PCDHGA3: variants seen among roughly 807,000 people sequenced by gnomAD.
PCDHGA3 encodes the protein protocadherin gamma subfamily A, 3.
Under a neutral mutation model 58.5 loss-of-function variants are expected in PCDHGA3, and 40 were observed. That is an observed-to-expected ratio of 0.68 (90% CI 0.53 to 0.89). PCDHGA3 has a LOEUF of 0.89. Among genes scored for constraint, PCDHGA3 ranks in the 40% least tolerant of loss-of-function variants. PCDHGA3 has a pLI of 0.00. For synonymous variants in PCDHGA3, 530 were observed against 525.7 expected, an observed-to-expected ratio of 1.01 and a Z score of -0.11; for missense variants, 1,223 against 1,195.9, an observed-to-expected ratio of 1.02 and a Z score of -0.33.
At chr5:141,460,331 A>T (rs537463160) in intron 1 of PCDHGA3, among the ~76,000 whole-genome samples, 3 of 152,212 alleles carry the variant, frequency 2.0e-5, no homozygotes, top group African/African-American at 7.2e-5. Flanking sequence ...AAAACTTATG[A>T]TGATTTTCTC....
Position 141,486,914 on chromosome 5 carries a change from C to T in PCDHGA3, c.2425-7893C>T, listed in dbSNP as rs1469857080. On this transcript the variant is annotated intron_variant, in intron 1 of 3. Coordinates refer to ENST00000253812, the MANE Select transcript of PCDHGA3 (RefSeq NM_018916.4). This position sits in a 1 kb window ranked among gnomAD's most constrained non-coding sequence, Gnocchi z 5.0. ...TGGTTCCTTATGTCCCCAAGCACTG[C>T]CTCCATCAGTTGGTGCTGGCCACCT... The T allele has an allele frequency of 6.2e-7, 1 of 1,614,236 alleles. No individual in the cohort carries two copies.
At chr5:141,404,784 C>T (rs780341962) in intron 1 of PCDHGA3, 2 of 1,613,832 alleles carry the variant, frequency 1.2e-6, no homozygotes, top group Non-Finnish European at 1.7e-6. Flanking sequence ...CTATTCAAGG[C>T]CAGTGAGCCA....
In PCDHGA3 at chr5:141,395,138, C is replaced by T. The variant is rs147992300; in HGVS notation, c.2424+48681C>T. 1,238 of 1,614,204 alleles carry T rather than the reference C, an allele frequency of 7.7e-4. 19 individuals are homozygous for T. In the East Asian group the frequency reaches 0.018, roughly 24 times the overall value. On this transcript the variant is annotated intron_variant, in intron 1 of 3. Transcript: ENST00000253812. ...ACCTGATCTTTCCCCAGCCCAACTA[C>T]GCAGACATGCTCATCAGTCAGGAGG...
intron 2 of PCDHGA3, among the ~76,000 whole-genome samples, chr5:141,502,988 C>A (rs1285178746): frequency 6.7e-6 from 1 of 150,346 alleles, no homozygotes; most frequent in Non-Finnish European, 1.5e-5. Flanking sequence ...GGATTACAGG[C>A]GTGTGCCACC....
chr5:141,393,484 G>A, intron 1 of PCDHGA3: 1 of 1,614,058 alleles, frequency 6.2e-7, no homozygotes, highest in Non-Finnish European at 8.5e-7. Context: ...CCTCGCTCTA[G>A]CACAGTGCGC....
chr5:141,371,752 AC>A (rs1278414887), intron 1 of PCDHGA3: 1 of 1,613,888 alleles, frequency 6.2e-7, no homozygotes, highest in Non-Finnish European at 8.5e-7. Flanking sequence ...CCCGTTTTCC[AC>A]CAGGCCTCCT....
At chr5:141,420,883 C>A (rs992351503) in intron 1 of PCDHGA3, among the ~76,000 whole-genome samples, 1 of 152,216 alleles carries the variant, frequency 6.6e-6, no homozygotes, top group Non-Finnish European at 1.5e-5. Context: ...TATTGTGTAT[C>A]ATCGTTTTTA....
rs1757717288 is a variant in PCDHGA3 at position 141,346,234 on chromosome 5, G to A, written c.2201G>A (p.Ser734Asn). ...LLQASGGGLA[S>N]TPGSHFVGAD... ...CAGGCTTCGGGAGGCGGCTTGGCGAGTACGCCCGGCTCGCACTTTGTGGGC... is the reference window on the plus strand; with the variant it reads ...CAGGCTTCGGGAGGCGGCTTGGCGAATACGCCCGGCTCGCACTTTGTGGGC... The change falls in exon 1 of 4, where the codon AGT becomes AAT. Residue 734 changes from serine (S) to asparagine (N), a missense_variant. This residue lies in a region of PCDHGA3 where 325 missense variants were observed against 327.5 expected (regional missense o/e 0.99). Coordinates refer to ENST00000253812, the MANE Select transcript of PCDHGA3 (RefSeq NM_018916.4). 2 of 1,614,212 alleles carry A rather than the reference G, an allele frequency of 1.2e-6. No individual in the cohort carries two copies. The highest frequency in any genetic ancestry group is 2.2e-5 in the South Asian group (2 of 91,084).
At chr5:141,408,301 C>G in intron 1 of PCDHGA3, 1 of 1,613,756 alleles carries the variant, frequency 6.2e-7, no homozygotes, top group Non-Finnish European at 8.5e-7. Context: ...GTGAGCCGAT[C>G]CGCTACTCGA....
At chr5:141,414,476 C>T (rs1242647918) in intron 1 of PCDHGA3, 1 of 1,613,802 alleles carries the variant, frequency 6.2e-7, no homozygotes, top group African/African-American at 1.3e-5. Flanking sequence ...GGGGGAAGTC[C>T]TCCTCTATCA....
rs4042104 is a variant in PCDHGA3 at position 141,489,091 on chromosome 5, T to TAAG, written c.2425-5713_2425-5711dup. On this transcript the variant is annotated intron_variant, in intron 1 of 3. Transcript: ENST00000253812. This position sits in a 1 kb window ranked among gnomAD's most constrained non-coding sequence, Gnocchi z 4.5. Reference sequence around the variant, plus strand: ...CTGCCCACCCCCGCCACTCGGTGACTAAGAACTGCTGCAAGCAGGCAAACC... The same window carrying TAAG: ...CTGCCCACCCCCGCCACTCGGTGACTAAGAAGAACTGCTGCAAGCAGGCAAACC... 136,009 of 332,164 alleles carry TAAG rather than the reference T, an allele frequency of 0.41. 28,517 individuals are homozygous for TAAG. The highest frequency in any genetic ancestry group is 0.54 in the Admixed American group (11,651 of 21,676). The allele number at this position is 332,164 out of a possible 1,614,324, so 20.6% of individuals were successfully genotyped here.
chr5:141,495,069 T>G (rs1179878936), intron 2 of PCDHGA3, among the ~76,000 whole-genome samples: 1 of 152,142 alleles, frequency 6.6e-6, no homozygotes, highest in African/African-American at 2.4e-5. Flanking sequence ...GGAAGCTCAA[T>G]TCACATGCTT....
chr5:141,402,642 A>C (rs1236156893), intron 1 of PCDHGA3, among the ~76,000 whole-genome samples: 2 of 152,240 alleles, frequency 1.3e-5, no homozygotes, highest in Non-Finnish European at 2.9e-5. Flanking sequence ...TAAAATCATA[A>C]TTAGAAGAGA....
chr5:141,357,846 C>CGA, intron 1 of PCDHGA3: 2 of 620,680 alleles, frequency 3.2e-6, no homozygotes, highest in Non-Finnish European at 5.4e-6. Flanking sequence ...GTTGTAGTTT[C>CGA]AGCCAGAATT....
intron 1 of PCDHGA3, chr5:141,393,578 G>T: frequency 6.2e-7 from 1 of 1,613,930 alleles, no homozygotes; most frequent in Non-Finnish European, 8.5e-7. Context: ...TTGAGAACAT[G>T]CCCCCAGGCA....
intron 1 of PCDHGA3, chr5:141,366,852 A>T (rs1764825347): frequency 7.0e-7 from 1 of 1,434,404 alleles, no homozygotes; most frequent in Non-Finnish European, 9.4e-7. Context: ...TAAATAGTGG[A>T]ACATTATTTG....
intron 1 of PCDHGA3, chr5:141,403,596 C>T: frequency 6.2e-7 from 1 of 1,613,768 alleles, no homozygotes; most frequent in Non-Finnish European, 8.5e-7. Context: ...CTCACGGCCT[C>T]GGATGGCGGC....
Position 141,345,884 on chromosome 5 carries a change from C to G in PCDHGA3, c.1851C>G (p.Phe617Leu), listed in dbSNP as rs1386374521. ...RLLKASEPGL[F>L]SVGLHTGEVR... is the part of the protein sequence containing the mutation. ...TCAAGGCCAGCGAGCCGGGACTCTTCTCGGTGGGTCTGCACACGGGCGAGG... is the reference window on the plus strand; with the variant it reads ...TCAAGGCCAGCGAGCCGGGACTCTTGTCGGTGGGTCTGCACACGGGCGAGG... Residue 617 changes from phenylalanine (F) to leucine (L), a missense_variant, in exon 1 of 4, where the codon TTC (phenylalanine) becomes TTG (leucine). Phe to Leu is a conservative substitution (Grantham distance 22). This residue lies in a region of PCDHGA3 where 107 missense variants were observed against 159.8 expected (regional missense o/e 0.67). Transcript: ENST00000253812. 4 of 1,613,328 alleles carry G rather than the reference C, an allele frequency of 2.5e-6. No homozygotes were observed. Among genetic ancestry groups the G allele is most frequent in the Non-Finnish European group, 3.4e-6 (4 of 1,179,900 alleles).
At chr5:141,405,301 G>C (rs369812265) in intron 1 of PCDHGA3, 2 of 1,614,082 alleles carry the variant, frequency 1.2e-6, no homozygotes, top group African/African-American at 2.7e-5. Context: ...TCAGCCAGCA[G>C]AGCTGTGAGA....
Sources: gnomAD v4.1 joint callset for allele counts (sites outside exome capture counted in the v4.1 genomes callset) on GRCh38, gnomAD v4.1.1 for gene constraint, gnomAD v4.1.1 regional missense constraint, Gnocchi (gnomAD v3.1) non-coding constraint, MANE v1.5 for transcripts, NCBI Gene and HGNC (gene_info 2026-07-23, HGNC 2026-07-21) for gene names.